Variants in TENM3 observed in about 807,000 individuals in gnomAD.
TENM3 encodes teneurin transmembrane protein 3.
In TENM3, 63 loss-of-function variants were observed where a neutral mutation model predicts 255.1. The observed-to-expected ratio is 0.25, with a 90% CI of 0.20 to 0.30. TENM3 has a LOEUF of 0.30. Among genes scored for constraint, TENM3 ranks in the 10% least tolerant of loss-of-function variants. TENM3 has a pLI of 1.00. For synonymous variants in TENM3, 1,306 were observed against 1,322.3 expected (o/e 0.99, Z 0.27); for missense variants, 2,929 against 3,461.1 (o/e 0.85, Z 3.86).
chr4:181,779,260 GTTAT>G, the TENM3 span, among the ~76,000 whole-genome samples: 33,005 of 141,084 alleles, frequency 0.23, 3,790 homozygotes, highest in East Asian at 0.4. Context: ...TTTACTTTAA[GTTAT>G]TTATTTATTT....
At chr4:181,764,603 A>C in the TENM3 span, among the ~76,000 whole-genome samples, 1 of 152,310 alleles carries the variant, frequency 6.6e-6, no homozygotes, top group East Asian at 1.9e-4. Context: ...TTTTTCAGCA[A>C]CTATTCCCCC....
the TENM3 span, among the ~76,000 whole-genome samples, chr4:182,009,938 G>GA: frequency 6.6e-6 from 1 of 151,938 alleles, no homozygotes; most frequent in African/African-American, 2.4e-5. Flanking sequence ...CCCTTGGCTG[G>GA]GGGGAGGGGG....
At chr4:181,507,623 G>T in the TENM3 span, among the ~76,000 whole-genome samples, 1 of 152,136 alleles carries the variant, frequency 6.6e-6, no homozygotes, top group South Asian at 2.1e-4. Context: ...TGACACACAC[G>T]CATGCATTTT....
At chr4:181,761,744 C>A in the TENM3 span, among the ~76,000 whole-genome samples, 12 of 152,190 alleles carry the variant, frequency 7.9e-5, no homozygotes, top group East Asian at 2.3e-3. Context: ...TTCCTAAGTA[C>A]TGGGCGTATA....
the TENM3 span, among the ~76,000 whole-genome samples, chr4:181,729,315 C>T: frequency 5.8e-4 from 88 of 152,268 alleles, no homozygotes; most frequent in South Asian, 6.8e-3. Context: ...AGGGGAATGA[C>T]ATGACTGTCG....
At chr4:181,641,621 G>GGT in the TENM3 span, among the ~76,000 whole-genome samples, 1 of 32,604 alleles carries the variant, frequency 3.1e-5, no homozygotes, top group Non-Finnish European at 6.1e-5. Flanking sequence ...ATATATATAT[G>GGT]GTGTGTGTAT....
the TENM3 span, among the ~76,000 whole-genome samples, chr4:182,023,017 A>C: frequency 6.6e-6 from 1 of 152,240 alleles, no homozygotes; most frequent in Non-Finnish European, 1.5e-5. Flanking sequence ...TGTCAGCAGC[A>C]GACCTAATTG....
At chr4:182,768,018 G>A (rs564313168) in intron 22 of TENM3, among the ~76,000 whole-genome samples, 7 of 152,160 alleles carry the variant, frequency 4.6e-5, no homozygotes, top group Non-Finnish European at 1.0e-4. Context: ...CAGTATATAC[G>A]TAACGACATA....
chr4:181,557,096 A>G, the TENM3 span, among the ~76,000 whole-genome samples: 1 of 152,218 alleles, frequency 6.6e-6, no homozygotes, highest in Non-Finnish European at 1.5e-5. Flanking sequence ...CAAATTTGCA[A>G]CAGGTATGGT....
At chr4:182,589,569 T>C (rs1213385076) in intron 3 of TENM3, among the ~76,000 whole-genome samples, 1 of 152,094 alleles carries the variant, frequency 6.6e-6, no homozygotes, top group Non-Finnish European at 1.5e-5. Flanking sequence ...CTGTAGACTG[T>C]AGCTGAAGGT....
the TENM3 span, among the ~76,000 whole-genome samples, chr4:181,832,016 GTA>G: frequency 7.9e-5 from 11 of 138,442 alleles, no homozygotes; most frequent in East Asian, 2.5e-3. Flanking sequence ...GTGTGTGTGT[GTA>G]TAAAATGTAA....
intron 3 of TENM3, among the ~76,000 whole-genome samples, chr4:182,398,404 T>C (rs1768998869): frequency 6.6e-6 from 1 of 152,018 alleles, no homozygotes; most frequent in South Asian, 2.1e-4. Flanking sequence ...CAACTTTTTC[T>C]CTATATATTC....
chr4:181,599,294 A>G, the TENM3 span, among the ~76,000 whole-genome samples: 1 of 152,250 alleles, frequency 6.6e-6, no homozygotes, highest in South Asian at 2.1e-4. Flanking sequence ...CGTAGAGCAC[A>G]AAGAGAGACG....
At chr4:181,984,197 T>C in the TENM3 span, among the ~76,000 whole-genome samples, 1 of 152,084 alleles carries the variant, frequency 6.6e-6, no homozygotes, top group Non-Finnish European at 1.5e-5. Flanking sequence ...TCTTCCTTCT[T>C]GACAGGCCTT....
the TENM3 span, among the ~76,000 whole-genome samples, chr4:181,572,765 T>C: frequency 6.6e-6 from 1 of 152,220 alleles, no homozygotes; most frequent in Admixed American, 6.5e-5. Flanking sequence ...CTTTTAGTTA[T>C]TTTTAAATAT....
chr4:182,611,422 G>A (rs1748991954), intron 4 of TENM3, among the ~76,000 whole-genome samples: 1 of 151,326 alleles, frequency 6.6e-6, no homozygotes, highest in East Asian at 1.9e-4. Context: ...AAATATAAGT[G>A]AACTTTATGT....
At chr4:182,661,081 ACT>A (rs1434183722) in intron 6 of TENM3, among the ~76,000 whole-genome samples, 2 of 151,512 alleles carry the variant, frequency 1.3e-5, no homozygotes, top group East Asian at 3.9e-4. Context: ...AATCAAAAGA[ACT>A]CTTTTTGTAT....
chr4:182,357,709 C>T (rs1452414105), intron 3 of TENM3, among the ~76,000 whole-genome samples: 4 of 150,568 alleles, frequency 2.7e-5, no homozygotes, highest in Non-Finnish European at 5.9e-5. Flanking sequence ...TGTGCAGAAG[C>T]TCTTTAGTTT....
At chr4:181,489,299 C>T in the TENM3 span, among the ~76,000 whole-genome samples, 5 of 152,118 alleles carry the variant, frequency 3.3e-5, no homozygotes, top group Admixed American at 2.6e-4. Flanking sequence ...CAATGGCTAT[C>T]AGAAAGCCCT....
Sources: allele counts gnomAD v4.1 joint callset (sites outside exome capture counted in the v4.1 genomes callset), GRCh38; gene constraint gnomAD v4.1.1; transcripts MANE v1.5; gene names NCBI Gene and HGNC (gene_info 2026-07-23, HGNC 2026-07-21).